GCNT1: variants seen among roughly 807,000 people sequenced by gnomAD.
GCNT1 encodes glucosaminyl (N-acetyl) transferase 1.
GCNT1 carries 16 observed loss-of-function variants against 26.2 expected under a neutral mutation model. The ratio of observed to expected loss-of-function variants is 0.61; its 90% CI spans 0.41 to 0.93. GCNT1 has a LOEUF of 0.93. GCNT1 is among the 40% of genes least tolerant of loss of function. The pLI is 0.00. For missense variants in GCNT1, 477 were observed against 526.7 expected (o/e 0.91, Z 0.92); for synonymous variants, 183 against 190.8 (o/e 0.96, Z 0.34).
upstream of GCNT1, among the ~76,000 whole-genome samples, chr9:76,417,355 T>C (rs1272454322): frequency 6.6e-6 from 1 of 152,200 alleles, no homozygotes; most frequent in Non-Finnish European, 1.5e-5. Context: ...AATGTAGTGT[T>C]GGAAGGAAAA....
chr9:76,422,996 C>G (rs10119732), intron 1 of GCNT1, among the ~76,000 whole-genome samples: 67,547 of 152,116 alleles, frequency 0.44, 15,899 homozygotes, highest in African/African-American at 0.53. Flanking sequence ...TTTAAGTTAA[C>G]CTAGGCTAAA....
At chr9:76,414,760 G>A in the GCNT1 span, among the ~76,000 whole-genome samples, 1 of 152,112 alleles carries the variant, frequency 6.6e-6, no homozygotes, top group Admixed American at 6.5e-5. Flanking sequence ...TGAGAAGTGA[G>A]GACAACCAGA....
chr9:76,467,041 G>A (rs917213338), intron 2 of GCNT1, among the ~76,000 whole-genome samples: 2 of 150,090 alleles, frequency 1.3e-5, no homozygotes, highest in African/African-American at 4.9e-5. Context: ...ATGCTCAGCT[G>A]ATCTTTTTTT....
At chr9:76,498,883 G>C (rs913741881) in intron 2 of GCNT1, among the ~76,000 whole-genome samples, 2 of 151,916 alleles carry the variant, frequency 1.3e-5, no homozygotes, top group African/African-American at 4.8e-5. Flanking sequence ...GATGGGAAGA[G>C]AGTTACAAAG....
chr9:76,433,256 C>T (rs910654619), intron 1 of GCNT1, among the ~76,000 whole-genome samples: 6 of 152,196 alleles, frequency 3.9e-5, no homozygotes, highest in Admixed American at 6.5e-5. Context: ...GCAGTTGCCC[C>T]ACGTAACGGA....
chr9:76,477,099 C>T (rs1398505365), intron 2 of GCNT1, among the ~76,000 whole-genome samples: 1 of 151,664 alleles, frequency 6.6e-6, no homozygotes, highest in African/African-American at 2.4e-5. Context: ...ATTTTTAGTA[C>T]AGACGGGGTT....
chr9:76,438,459 A>G (rs554461493), upstream of GCNT1, among the ~76,000 whole-genome samples: 1 of 152,258 alleles, frequency 6.6e-6, no homozygotes, highest in South Asian at 2.1e-4. Flanking sequence ...TAGACTGTAA[A>G]CTTTTCTTAT....
Position 76,447,362 on chromosome 9 carries a change from C to G in GCNT1, c.-290+5047C>G, listed in dbSNP as rs1823594380. Among the ~76,000 whole-genome samples the G allele has an allele frequency of 2.0e-5, 3 of 151,754 alleles. 1 individual carries two copies. The South Asian group carries it at 6.3e-4, about 32-fold the overall frequency. On this transcript the variant is annotated intron_variant, in intron 1 of 2. Transcript: ENST00000442371. ...TCAGGCAATCCTTCCACTTTAGCCT[C>G]CTTAATAGCTGGGACCATAGGTGTG...
At chr9:76,398,043 T>A in the GCNT1 span, among the ~76,000 whole-genome samples, 1 of 152,190 alleles carries the variant, frequency 6.6e-6, no homozygotes, top group Non-Finnish European at 1.5e-5. Context: ...TTCTAAAACG[T>A]GTTTTTTATT....
the GCNT1 span, among the ~76,000 whole-genome samples, chr9:76,398,347 C>A: frequency 1.5e-4 from 23 of 152,150 alleles, no homozygotes; most frequent in African/African-American, 5.6e-4. Flanking sequence ...GAGGGAAATA[C>A]AAATTAAAAC....
At chr9:76,397,605 G>A in the GCNT1 span, among the ~76,000 whole-genome samples, 5 of 152,068 alleles carry the variant, frequency 3.3e-5, no homozygotes, top group East Asian at 5.8e-4. Context: ...CACCACGCCC[G>A]GCTAATTTTT....
At chr9:76,413,653 G>GTTTTTTTTTTTTT in the GCNT1 span, among the ~76,000 whole-genome samples, 9 of 118,680 alleles carry the variant, frequency 7.6e-5, no homozygotes, top group East Asian at 8.2e-4. Flanking sequence ...GTTTTGTTTT[G>GTTTTTTTTTTTTT]TTTTTTTTTT....
At chr9:76,491,562 C>T (rs1047567306) in intron 2 of GCNT1, among the ~76,000 whole-genome samples, 2 of 152,208 alleles carry the variant, frequency 1.3e-5, no homozygotes, top group African/African-American at 4.8e-5. Flanking sequence ...GTTCTGCTAA[C>T]TGGGCGCTGG....
chr9:76,394,445 G>T, the GCNT1 span: 10 of 361,570 alleles, frequency 2.8e-5, no homozygotes, highest in South Asian at 9.7e-5. Flanking sequence ...TGAGCGGGGT[G>T]GGGGGAGGGG....
At chr9:76,397,323 AAG>A in the GCNT1 span, among the ~76,000 whole-genome samples, 8 of 151,912 alleles carry the variant, frequency 5.3e-5, no homozygotes, top group African/African-American at 1.7e-4. Context: ...TAAAAAAAAA[AAG>A]GAGAGTCTTG....
At chr9:76,461,666 T>C (rs1013826025) in intron 2 of GCNT1, among the ~76,000 whole-genome samples, 2 of 151,242 alleles carry the variant, frequency 1.3e-5, no homozygotes, top group African/African-American at 4.9e-5. Flanking sequence ...GGCAGGTGGA[T>C]CACTTGAGGT....
chr9:76,394,081 T>C, the GCNT1 span: 1 of 1,595,572 alleles, frequency 6.3e-7, no homozygotes, highest in African/African-American at 1.3e-5. Flanking sequence ...CTGGCCGCCC[T>C]GCTCTCACCT....
chr9:76,409,815 CT>C, the GCNT1 span, among the ~76,000 whole-genome samples: 53 of 151,028 alleles, frequency 3.5e-4, no homozygotes, highest in East Asian at 7.8e-4. Context: ...TTAATTTGCC[CT>C]TTTTTTTTCT....
intron 1 of GCNT1, among the ~76,000 whole-genome samples, chr9:76,428,291 T>TAAAAAAAAAAAAAAAAAAAAAAAAAAA (rs1564220598): frequency 2.6e-5 from 2 of 77,028 alleles, no homozygotes; most frequent in African/African-American, 9.5e-5. Context: ...AAAAAAAAAC[T>TAAAAAAAAAAAAAAAAAAAAAAAAAAA]TAAAAAAAAA....
Sources: allele counts gnomAD v4.1 joint callset (sites outside exome capture counted in the v4.1 genomes callset), GRCh38; gene constraint gnomAD v4.1.1; transcripts MANE v1.5; gene names NCBI Gene and HGNC (gene_info 2026-07-23, HGNC 2026-07-21).